PLCL1: variants seen among roughly 807,000 people sequenced by gnomAD.
PLCL1 encodes the protein phospholipase C like 1 (inactive), also known as inactive phospholipase C-like protein 1.
Under a neutral mutation model 84.4 loss-of-function variants are expected in PLCL1, and 41 were observed. That is an observed-to-expected ratio of 0.49 (90% CI 0.38 to 0.63). PLCL1 has a LOEUF of 0.63. Ranked by LOEUF, PLCL1 falls within the 30% of genes least tolerant of loss-of-function variation. The pLI is 0.00. For synonymous variants in PLCL1, 490 were observed against 488.3 expected, an observed-to-expected ratio of 1.00 and a Z score of -0.05; for missense variants, 1,206 against 1,367.8, an observed-to-expected ratio of 0.88 and a Z score of 1.87.
At chr2:197,831,417 CAAAG>C (rs2105655905) in intron 1 of PLCL1, among the ~76,000 whole-genome samples, 1 of 152,136 alleles carries the variant, frequency 6.6e-6, no homozygotes, top group East Asian at 1.9e-4. Context: ...TCAAAAAAGA[CAAAG>C]AAGGGCATTA....
At chr2:197,990,395 C>A (rs540993667) in intron 1 of PLCL1, among the ~76,000 whole-genome samples, 95 of 152,214 alleles carry the variant, frequency 6.2e-4, no homozygotes, top group African/African-American at 2.2e-3. Context: ...CCTAATATGA[C>A]TGGAATTCAA....
chr2:197,995,944 G>A lies in PLCL1; in HGVS notation c.241-87814G>A, dbSNP rs574165726. 2.6e-5 allele frequency among the ~76,000 whole-genome samples: 4 copies of A among 152,296 alleles called. No homozygotes were observed. The South Asian group carries it at 6.2e-4, about 24-fold the overall frequency. On this transcript the variant is annotated intron_variant, in intron 1 of 5. Coordinates refer to ENST00000428675, the MANE Select transcript of PLCL1 (RefSeq NM_006226.4). ...AATTGTCACATGAGTTTATGCACAG[G>A]AAATGTGATTTGGGGGAGAAACAAG...
intron 1 of PLCL1, among the ~76,000 whole-genome samples, chr2:198,057,956 T>C (rs1197473353): frequency 6.6e-6 from 1 of 152,188 alleles, no homozygotes; most frequent in Non-Finnish European, 1.5e-5. Context: ...TTGTTCATAG[T>C]AATGTAAAAT....
chr2:198,127,899 T>C (rs1263137912), intron 5 of PLCL1, among the ~76,000 whole-genome samples: 1 of 152,192 alleles, frequency 6.6e-6, no homozygotes, highest in Non-Finnish European at 1.5e-5. Context: ...CCTGCTTTTT[T>C]ACTTTTAAGT....
chr2:198,103,893 A>G lies in PLCL1; in HGVS notation c.3062A>G (p.Asn1021Ser), dbSNP rs1693406828. 2.5e-6 allele frequency: 4 copies of G among 1,607,830 alleles called. No individual in the cohort carries two copies. Among genetic ancestry groups the G allele is most frequent in the Non-Finnish European group, 3.4e-6 (4 of 1,176,476 alleles). ...GAAGGCTTGAAGGGAAGAAAACTCA[A>G]CAAAGCAACTGAGAGCTTTGCTTGG... ...AKEGLKGRKL[N>S]KATESFAWNI... The change falls in exon 5 of 6, where the codon AAC (asparagine) becomes AGC (serine). Residue 1021 changes from asparagine (N) to serine (S), a missense_variant. Coordinates refer to ENST00000428675, the MANE Select transcript of PLCL1 (RefSeq NM_006226.4).
chr2:198,089,146 G>T (rs182411230), intron 3 of PLCL1, 85 bp downstream of exon 3: 7 of 938,750 alleles, frequency 7.5e-6, no homozygotes, highest in African/African-American at 1.6e-5. Context: ...GAACTCCAAT[G>T]AATAACACAG....
At chr2:198,107,484 A>G (rs747522666) in intron 5 of PLCL1, among the ~76,000 whole-genome samples, 5 of 151,922 alleles carry the variant, frequency 3.3e-5, no homozygotes, top group Non-Finnish European at 7.4e-5. Context: ...CCTACATCTC[A>G]GATTTTGTGA....
rs556630885 is a variant in PLCL1, at chr2:197,932,512, C to T, written c.240+127173C>T. ...ATTGACTATTTCTCCAGATGCTCTC[C>T]GTCCCCCTACCCCCCAAACCCAGCA... On this transcript the variant is annotated intron_variant, in intron 1 of 5. Transcript: ENST00000428675. Among the ~76,000 whole-genome samples the T allele has an allele frequency of 1.1e-4, 16 of 152,196 alleles. 1 individual carries two copies. The South Asian group carries it at 2.7e-3, about 26-fold the overall frequency.
intron 1 of PLCL1, among the ~76,000 whole-genome samples, chr2:197,818,031 TG>T (rs1690727081): frequency 6.6e-6 from 1 of 152,108 alleles, no homozygotes; most frequent in Non-Finnish European, 1.5e-5. Context: ...AGGACTGTTC[TG>T]GGTTGTCGAT....
chr2:198,117,680 A>C (rs754694496), intron 5 of PLCL1, among the ~76,000 whole-genome samples: 4 of 151,918 alleles, frequency 2.6e-5, no homozygotes, highest in Admixed American at 2.0e-4. Context: ...CAAGAAACTG[A>C]TATCTAAGAC....
intron 1 of PLCL1, among the ~76,000 whole-genome samples, chr2:198,078,715 TA>T (rs964286208): frequency 6.6e-6 from 1 of 151,996 alleles, no homozygotes; most frequent in African/African-American, 2.4e-5. Context: ...ACTGTTTGCT[TA>T]AAAAAAACTT....
chr2:198,004,543 G>C (rs952320962), intron 1 of PLCL1, among the ~76,000 whole-genome samples: 3 of 151,888 alleles, frequency 2.0e-5, no homozygotes, highest in African/African-American at 7.2e-5. Flanking sequence ...TGATGTATTT[G>C]GTTAAAAAAA....
intron 1 of PLCL1, among the ~76,000 whole-genome samples, chr2:197,881,342 A>G (rs537789814): frequency 1.8e-4 from 27 of 152,274 alleles, no homozygotes; most frequent in African/African-American, 6.5e-4. Flanking sequence ...TATCTCTGTT[A>G]TAGGGGGACA....
intron 1 of PLCL1, among the ~76,000 whole-genome samples, chr2:197,995,822 T>G (rs1299359788): frequency 6.6e-6 from 1 of 152,166 alleles, no homozygotes; most frequent in Non-Finnish European, 1.5e-5. Context: ...GGCTCTGTCT[T>G]TTGCTTGCTA....
rs186979810 is a variant in PLCL1 at position 197,941,781 on chromosome 2, G to A, written c.240+136442G>A. ...TCTCTCTCTCTCTCCCATTGTTGGA[G>A]CATTAACATCTTAGCCCCACTGGTG... On this transcript the variant is annotated intron_variant, in intron 1 of 5. Transcript: ENST00000428675. Among the ~76,000 whole-genome samples the A allele has an allele frequency of 1.1e-3, 173 of 152,206 alleles. 1 individual carries two copies. The highest frequency in any genetic ancestry group is 1.9e-3 in the Non-Finnish European group (126 of 68,002).
intron 1 of PLCL1, among the ~76,000 whole-genome samples, chr2:197,925,724 C>G (rs1410605250): frequency 6.6e-6 from 1 of 152,078 alleles, no homozygotes; most frequent in Non-Finnish European, 1.5e-5. Context: ...TCTCCATGCA[C>G]TCACTAACAC....
intron 1 of PLCL1, among the ~76,000 whole-genome samples, chr2:198,008,852 T>C (rs1690797357): frequency 6.6e-6 from 1 of 152,034 alleles, no homozygotes; most frequent in African/African-American, 2.4e-5. Context: ...TCTCTACATC[T>C]TCACCAATGC....
intron 1 of PLCL1, among the ~76,000 whole-genome samples, chr2:197,840,642 A>G (rs1017185033): frequency 1.3e-5 from 2 of 152,180 alleles, no homozygotes; most frequent in African/African-American, 4.8e-5. Flanking sequence ...AATCTTCTTT[A>G]GAAATAGGAG....
At chr2:198,073,638 C>T (rs78491844) in intron 1 of PLCL1, among the ~76,000 whole-genome samples, 5,000 of 152,224 alleles carry the variant, frequency 0.033, 138 homozygotes, top group Non-Finnish European at 0.044. Context: ...AGATAATTGA[C>T]ATTGTATTTT....
Sources: allele counts gnomAD v4.1 joint callset (sites outside exome capture counted in the v4.1 genomes callset), GRCh38; gene constraint gnomAD v4.1.1; transcripts MANE v1.5; gene names NCBI Gene and HGNC (gene_info 2026-07-23, HGNC 2026-07-21).